The following PCDHA9 variants were observed in gnomAD, a reference collection of about 807,000 sequenced individuals.
The protein encoded by PCDHA9 is protocadherin alpha 9.
PCDHA9 carries 62 observed loss-of-function variants against 62.0 expected under a neutral mutation model. The observed-to-expected ratio is 1.00, with a 90% CI of 0.81 to 1.23. The LOEUF (loss-of-function observed/expected upper bound fraction) is 1.23, where lower values mean the gene tolerates loss of function less well. PCDHA9 is among the 50% of genes most tolerant of loss of function. PCDHA9 has a pLI of 0.00. For synonymous variants in PCDHA9, 557 were observed against 567.6 expected, an observed-to-expected ratio of 0.98 and a Z score of 0.27; for missense variants, 1,205 against 1,249.8, an observed-to-expected ratio of 0.96 and a Z score of 0.54.
chr5:140,967,053 G>A (rs1563359791), intron 1 of PCDHA9: 4 of 1,612,648 alleles, frequency 2.5e-6, no homozygotes, highest in Non-Finnish European at 3.4e-6. Flanking sequence ...GACCTGACGA[G>A]TGGAGCGCTC....
rs1472769366 is a variant in PCDHA9, at chr5:140,928,640, T to C, written c.2395-50309T>C. On this transcript the variant is annotated intron_variant, in intron 1 of 3. Transcript: ENST00000532602. ...AGGACTGGACACTTGGTCACAAAAG[T>C]GGTAGCAGAGGATGCTGACAGTGGT... The C allele has an allele frequency of 1.2e-6, 2 of 1,614,096 alleles. No individual in the cohort carries two copies. Among genetic ancestry groups the C allele is most frequent in the African/African-American group, 2.7e-5 (2 of 74,930 alleles).
At chr5:140,993,621 A>G (rs531527051) in intron 3 of PCDHA9, among the ~76,000 whole-genome samples, 7 of 152,190 alleles carry the variant, frequency 4.6e-5, no homozygotes, top group African/African-American at 1.7e-4. Flanking sequence ...GGGACCCTCT[A>G]TATATAGTCG....
At position 140,850,229 on chromosome 5, in the gene PCDHA9, C is replaced by G. The variant is rs2150474580; in HGVS notation, c.1734C>G (p.Ser578Arg). ...PRMRGTDGAV[S>R]EMVLRSVGAG... is the part of the protein sequence containing the mutation. ...TGAGGGGCACTGACGGCGCAGTGAGCGAGATGGTGCTGCGGTCGGTGGGCG... is the reference window on the plus strand; with the variant it reads ...TGAGGGGCACTGACGGCGCAGTGAGGGAGATGGTGCTGCGGTCGGTGGGCG... Residue 578 changes from serine (S) to arginine (R), a missense_variant, in exon 1 of 4, where the codon AGC becomes AGG. Physicochemically the swap from Ser to Arg is moderately radical, Grantham distance 110. Transcript: ENST00000532602. The G allele has an allele frequency of 9.4e-6, 15 of 1,593,582 alleles. No individual in the cohort carries two copies. In the East Asian group the frequency reaches 3.3e-4, roughly 36 times the overall value.
intron 1 of PCDHA9, among the ~76,000 whole-genome samples, chr5:140,911,672 C>T (rs1010402307): frequency 2.6e-5 from 4 of 152,154 alleles, no homozygotes; most frequent in Non-Finnish European, 5.9e-5. Flanking sequence ...TTGCCTCTCA[C>T]GAACCGTGCA....
At chr5:140,986,085 TCA>T (rs1395722991) in intron 3 of PCDHA9, among the ~76,000 whole-genome samples, 1 of 152,182 alleles carries the variant, frequency 6.6e-6, no homozygotes, top group Non-Finnish European at 1.5e-5. Context: ...TCATTTATTT[TCA>T]CAGTCTGCAA....
chr5:140,953,881 A>G (rs1481970999), intron 1 of PCDHA9, among the ~76,000 whole-genome samples: 2 of 152,130 alleles, frequency 1.3e-5, no homozygotes, highest in Non-Finnish European at 2.9e-5. Flanking sequence ...AGATCAACCC[A>G]TCACCTAGGT....
In PCDHA9 at chr5:140,856,944, G is replaced by A; in HGVS notation, c.2394+6055G>A. Reference sequence around the variant, plus strand: ...AAATTTTGGATAAACGAAAGGACGGGAGAAATAAAAGTAAATGATGCTATT... The same window carrying A: ...AAATTTTGGATAAACGAAAGGACGGAAGAAATAAAAGTAAATGATGCTATT... On this transcript the variant is annotated intron_variant, in intron 1 of 3. Transcript: ENST00000532602. 1.9e-6 allele frequency: 3 copies of A among 1,593,674 alleles called. 1 individual carries two copies. The highest frequency in any genetic ancestry group is 2.6e-6 in the Non-Finnish European group (3 of 1,163,664).
At chr5:140,967,669 G>C in intron 1 of PCDHA9, 9 of 1,614,126 alleles carry the variant, frequency 5.6e-6, no homozygotes, top group Non-Finnish European at 7.6e-6. Flanking sequence ...GCTACACGTC[G>C]GACCGGGAGA....
At chr5:140,941,224 T>TTTCTTTC in intron 1 of PCDHA9, among the ~76,000 whole-genome samples, 1 of 137,372 alleles carries the variant, frequency 7.3e-6, no homozygotes, top group Non-Finnish European at 1.6e-5. Flanking sequence ...CCTTTCTTTC[T>TTTCTTTC]TTCTTTCTTT....
rs565441433 is a variant in PCDHA9, at chr5:141,011,340, A to G, written c.*1403A>G. 6.5e-6 allele frequency: 1 copy of G among 153,828 alleles called. No homozygotes were observed. Among genetic ancestry groups the G allele is most frequent in the African/African-American group, 2.4e-5 (1 of 41,570 alleles). 9.5% of individuals were successfully genotyped at this position (153,828 alleles called of 1,614,324 possible). On this transcript the variant is annotated 3_prime_UTR_variant, in exon 4 of 4. Transcript: ENST00000532602. Reference sequence around the variant, plus strand: ...ACTAACACCTATGATGTTACCTGAAATCAATCTCCCATATGTATGCTGTAT... The same window carrying G: ...ACTAACACCTATGATGTTACCTGAAGTCAATCTCCCATATGTATGCTGTAT...
intron 2 of PCDHA9, among the ~76,000 whole-genome samples, chr5:140,981,680 C>T (rs1238332235): frequency 6.6e-6 from 1 of 151,746 alleles, no homozygotes; most frequent in Non-Finnish European, 1.5e-5. Flanking sequence ...CTTCCTTCCT[C>T]CCTTCCATCA....
At chr5:140,927,033 G>T in intron 1 of PCDHA9, 1 of 1,612,344 alleles carries the variant, frequency 6.2e-7, no homozygotes, top group Non-Finnish European at 8.5e-7. Context: ...GGCTGCCAGC[G>T]GCCGCTATGT....
At chr5:140,887,629 T>C (rs2061519169) in intron 1 of PCDHA9, among the ~76,000 whole-genome samples, 1 of 152,128 alleles carries the variant, frequency 6.6e-6, no homozygotes, top group Non-Finnish European at 1.5e-5. Flanking sequence ...TTTATGTTAG[T>C]CTGTTGGGGT....
chr5:141,001,316 C>T (rs2098007805), intron 3 of PCDHA9, among the ~76,000 whole-genome samples: 2 of 152,096 alleles, frequency 1.3e-5, no homozygotes, highest in African/African-American at 4.8e-5. Flanking sequence ...AAATAATTTG[C>T]CAAACATCAC....
chr5:140,967,700 G>A lies in PCDHA9; in HGVS notation c.2395-11249G>A. ...GGAGAGGCAGCTCTTCAGCATAGAT[G>A]CCAGTACCGGGGAAGTGCGAGTAAT... On this transcript the variant is annotated intron_variant, in intron 1 of 3. Transcript: ENST00000532602. 4 of 1,614,196 alleles carry A rather than the reference G, an allele frequency of 2.5e-6. No homozygotes were observed. In the South Asian group the frequency reaches 4.4e-5, roughly 18 times the overall value.
chr5:140,920,847 A>G (rs1410435400), intron 1 of PCDHA9, among the ~76,000 whole-genome samples: 1 of 152,028 alleles, frequency 6.6e-6, no homozygotes, highest in Non-Finnish European at 1.5e-5. Flanking sequence ...AATCTAAAAA[A>G]AAAAAAAAAA....
At chr5:140,966,208 T>G (rs993246205) in intron 1 of PCDHA9, 2 of 231,366 alleles carry the variant, frequency 8.6e-6, no homozygotes, top group Admixed American at 1.1e-4. Flanking sequence ...TTGACTGCTT[T>G]TCCCAGACTA....
intron 3 of PCDHA9, among the ~76,000 whole-genome samples, chr5:140,996,546 T>C (rs1179221123): frequency 6.6e-6 from 1 of 152,224 alleles, no homozygotes; most frequent in Admixed American, 6.5e-5. Flanking sequence ...GATATTATGC[T>C]GTCACTATCT....
rs2150473414 is a variant in PCDHA9 at position 140,850,210 on chromosome 5, G to A, written c.1715G>A (p.Gly572Asp). 67 of 1,593,594 alleles carry A rather than the reference G, an allele frequency of 4.2e-5. No individual in the cohort carries two copies. In the East Asian group the frequency reaches 1.2e-3, roughly 28 times the overall value. ...APALLTPRMRGTDGAVSEMVL... is the reference protein window; with the variant it reads ...APALLTPRMRDTDGAVSEMVL... ...GCGCTGCTGACACCTCGGATGAGGG[G>A]CACTGACGGCGCAGTGAGCGAGATG... is the stretch of plus-strand genomic sequence containing the variant. The change falls in exon 1 of 4, where the codon GGC becomes GAC. Residue 572 changes from glycine to aspartate, a missense_variant. Around this residue, in one of 3 missense-constraint regions of PCDHA9, gnomAD observed 887 missense variants for 809.5 expected, o/e 1.10. Coordinates refer to ENST00000532602, the MANE Select transcript of PCDHA9 (RefSeq NM_031857.2).
Sources: gnomAD v4.1 joint callset for allele counts (sites outside exome capture counted in the v4.1 genomes callset) on GRCh38, gnomAD v4.1.1 for gene constraint, gnomAD v4.1.1 regional missense constraint, MANE v1.5 for transcripts, NCBI Gene and HGNC (gene_info 2026-07-23, HGNC 2026-07-21) for gene names.